Variants in INTS7 observed in about 807,000 individuals in gnomAD.
The protein encoded by INTS7 is chromosome 1 open reading frame 73.
INTS7 carries 46 observed loss-of-function variants against 109.2 expected under a neutral mutation model. That is an observed-to-expected ratio of 0.42 (90% CI 0.33 to 0.54). INTS7 has a LOEUF of 0.54. Ranked by LOEUF, INTS7 falls within the 20% of genes least tolerant of loss-of-function variation. The pLI is 0.07. For missense variants in INTS7, 929 were observed against 1,132.4 expected, an observed-to-expected ratio of 0.82 and a Z score of 2.58; for synonymous variants, 412 against 402.9, an observed-to-expected ratio of 1.02 and a Z score of -0.27.
intron 1 of INTS7, among the ~76,000 whole-genome samples, chr1:212,021,773 G>A (rs140672360): frequency 6.6e-6 from 1 of 152,124 alleles, no homozygotes; most frequent in East Asian, 1.9e-4. Flanking sequence ...ACTTGAGCCT[G>A]GGAAGTTGAA....
chr1:211,944,810 G>A lies in INTS7; in HGVS notation c.2575C>T (p.Gln859Ter). 6.2e-7 allele frequency: 1 copy of A among 1,614,044 alleles called. No homozygotes were observed. The highest frequency in any genetic ancestry group is 2.2e-5 in the East Asian group (1 of 44,886). The stretch of plus-strand genomic sequence containing the variant: ...TTGTAGTCTTGTCCAGATTTACTCT[G>A]CAGTGTGGAAGAAACATTCAGACAG... ...SVCLNVSSTL[Q>*]SKSGQDYKIP... The change falls in exon 19 of 20, where the codon CAG becomes TAG. Residue 859 changes from glutamine (Q) to a stop codon, truncating the protein, a stop_gained. Coordinates refer to ENST00000366994, the MANE Select transcript of INTS7 (RefSeq NM_015434.4). LOFTEE classifies it high-confidence loss of function.
Position 211,982,724 on chromosome 1 carries a change from G to A in INTS7, c.1084C>T (p.His362Tyr). 6.2e-7 allele frequency: 1 copy of A among 1,611,686 alleles called. No individual in the cohort carries two copies. The change falls in exon 9 of 20, where the codon CAT becomes TAT. Residue 362 changes from histidine to tyrosine, a missense_variant. Coordinates refer to ENST00000366994, the MANE Select transcript of INTS7 (RefSeq NM_015434.4). ...ATATTAGTTAGGACTCTAACTCCATGAGCTGCAATGCCCCTGTTATTATGG... is the reference window on the plus strand; with the variant it reads ...ATATTAGTTAGGACTCTAACTCCATAAGCTGCAATGCCCCTGTTATTATGG... ...CYHNNRGIAA[H>Y]GVRVLTNITV...
intron 13 of INTS7, 99 bp from the exon 14 acceptor site, chr1:211,968,806 G>T: frequency 2.5e-6 from 2 of 814,976 alleles, no homozygotes; most frequent in Non-Finnish European, 3.7e-6. Flanking sequence ...AAGTGCAGTA[G>T]TTCTCTAAAA....
chr1:212,006,584 T>C, intron 7 of INTS7, 55 bp downstream of exon 7: 1 of 841,754 alleles, frequency 1.2e-6, no homozygotes, highest in Non-Finnish European at 1.7e-6. Flanking sequence ...AACATTTTAC[T>C]ATATTATAAT....
chr1:212,015,854 T>C (rs1571909057), intron 4 of INTS7, among the ~76,000 whole-genome samples: 1 of 151,756 alleles, frequency 6.6e-6, no homozygotes, highest in East Asian at 1.9e-4. Context: ...AAATAAAAAT[T>C]ATATACCATC....
intron 13 of INTS7, among the ~76,000 whole-genome samples, chr1:211,971,932 A>AG (rs1485929645): frequency 4.1e-5 from 6 of 146,158 alleles, no homozygotes; most frequent in African/African-American, 1.3e-4. Context: ...AAAAAAAAAA[A>AG]AAAAGAAAAG....
intron 4 of INTS7, among the ~76,000 whole-genome samples, chr1:212,014,637 A>G (rs1314012378): frequency 6.8e-6 from 1 of 148,030 alleles, no homozygotes; most frequent in Non-Finnish European, 1.5e-5. Context: ...GCTCACTGCA[A>G]CCTCCCTGCC....
At chr1:212,013,670 C>A (rs1324808324) in intron 4 of INTS7, among the ~76,000 whole-genome samples, 1 of 152,198 alleles carries the variant, frequency 6.6e-6, no homozygotes, top group Admixed American at 6.5e-5. Flanking sequence ...GTGCCCTATA[C>A]AGGAATACCA....
intron 1 of INTS7, among the ~76,000 whole-genome samples, chr1:212,033,526 C>G (rs1050994804): frequency 3.3e-5 from 5 of 152,152 alleles, no homozygotes; most frequent in African/African-American, 1.2e-4. Flanking sequence ...TTCAACTCTT[C>G]TTTAAAAAGG....
At chr1:211,994,795 C>A (rs1475038028) in intron 7 of INTS7, among the ~76,000 whole-genome samples, 38 of 143,760 alleles carry the variant, frequency 2.6e-4, no homozygotes, top group Non-Finnish European at 3.5e-4. Context: ...AAAAAAAAAA[C>A]AAAACAAAAC....
intron 7 of INTS7, among the ~76,000 whole-genome samples, chr1:212,003,141 A>G (rs1221120793): frequency 3.3e-5 from 5 of 152,124 alleles, no homozygotes; most frequent in African/African-American, 1.2e-4. Flanking sequence ...GACAGCGGCA[A>G]TATCTGAAGA....
At position 211,952,648 on chromosome 1, in the gene INTS7, CT is replaced by C. The variant is rs1207360396; in HGVS notation, c.2236del (p.Arg746GlufsTer3). On this transcript the variant is annotated frameshift_variant, in exon 17 of 20. Transcript: ENST00000366994. LOFTEE classifies it high-confidence loss of function. ...GTAHADSEYE[R>X]RMMSVYNHVL... ...ATGATTATATACAGACATCATTCTT[CT>C]TTCATATTCACTATCAGCATGGGCT... The C allele has an allele frequency of 6.2e-7, 1 of 1,612,648 alleles. No homozygotes were observed. Among genetic ancestry groups the C allele is most frequent in the South Asian group, 1.1e-5 (1 of 91,032 alleles).
At chr1:212,022,796 T>C (rs1168647618) in intron 1 of INTS7, among the ~76,000 whole-genome samples, 1 of 152,212 alleles carries the variant, frequency 6.6e-6, no homozygotes, top group Non-Finnish European at 1.5e-5. Context: ...AGTTTGCTAA[T>C]GGGTATACTG....
chr1:211,978,383 C>T lies in INTS7; in HGVS notation c.1359G>A (p.Leu453=), dbSNP rs1411744546. ...CCGGCAGTTGCATGGCAATGGCTGCCAGGCAATGGCACATCAAAATCCGGG... is the reference window on the plus strand; with the variant it reads ...CCGGCAGTTGCATGGCAATGGCTGCTAGGCAATGGCACATCAAAATCCGGG... ...DAARILMCHC[L]AAIAMQLPVL... Residue 453 remains leucine, a synonymous_variant, in exon 11 of 20, where the codon CTG becomes CTA. Transcript: ENST00000366994. 1.2e-6 allele frequency: 2 copies of T among 1,614,172 alleles called. No homozygotes were observed. The highest frequency in any genetic ancestry group is 2.2e-5 in the South Asian group (2 of 91,088).
rs1666628794 is a variant in INTS7 at position 212,020,157 on chromosome 1, A to G, written c.336T>C (p.His112=). The change falls in exon 3 of 20, where the codon CAT becomes CAC. Residue 112 remains histidine, a synonymous_variant. Transcript: ENST00000366994. ...TGGCTCTTGCCACAGGATCATTACT[A>G]TGAATCACAGAAAAAATTCTCTTCA... ...EFVKRIFSVI[H]SNDPVARAIT... 1 of 1,609,062 alleles carries G rather than the reference A, an allele frequency of 6.2e-7. No homozygotes were observed. The highest frequency in any genetic ancestry group is 8.5e-7 in the Non-Finnish European group (1 of 1,176,918).
intron 7 of INTS7, among the ~76,000 whole-genome samples, chr1:212,005,494 A>T (rs1665862498): frequency 6.6e-6 from 1 of 152,200 alleles, no homozygotes; most frequent in Non-Finnish European, 1.5e-5. Context: ...TTTCTCACTT[A>T]AAGGTATTTA....
At chr1:211,952,894 G>A (rs1215846734) in intron 16 of INTS7, among the ~76,000 whole-genome samples, 193 bp from the exon 17 acceptor site, 1 of 152,214 alleles carries the variant, frequency 6.6e-6, no homozygotes, top group Non-Finnish European at 1.5e-5. Context: ...TAAATGGCAA[G>A]CCAGAATTCA....
At position 211,987,931 on chromosome 1, in the gene INTS7, G is replaced by C; in HGVS notation, c.952C>G (p.Leu318Val). Residue 318 changes from leucine (L) to valine (V), a missense_variant, in exon 8 of 20, where the codon CTA becomes GTA. Coordinates refer to ENST00000366994, the MANE Select transcript of INTS7 (RefSeq NM_015434.4). ...KLGMLSVLSTLSGTIAIKHYF... is the reference protein window; with the variant it reads ...KLGMLSVLSTVSGTIAIKHYF... ...TGTTTGATGGCGATGGTCCCTGATA[G>C]TGTGGAAAGGACAGACAACATCCCT... The C allele has an allele frequency of 6.2e-7, 1 of 1,612,200 alleles. No individual in the cohort carries two copies. The highest frequency in any genetic ancestry group is 8.5e-7 in the Non-Finnish European group (1 of 1,178,342).
intron 4 of INTS7, among the ~76,000 whole-genome samples, chr1:212,012,384 T>A (rs1266904758): frequency 6.6e-6 from 1 of 152,120 alleles, no homozygotes; most frequent in Non-Finnish European, 1.5e-5. Flanking sequence ...AAAAAATCCA[T>A]CAGTACTGAC....
Sources: gnomAD v4.1 joint callset for allele counts (sites outside exome capture counted in the v4.1 genomes callset) on GRCh38, gnomAD v4.1.1 for gene constraint, MANE v1.5 for transcripts, NCBI Gene and HGNC (gene_info 2026-07-23, HGNC 2026-07-21) for gene names.